The following NCAPG2 variants were observed in gnomAD, a reference collection of about 807,000 sequenced individuals.
NCAPG2 encodes condensin-2 complex subunit G2.
NCAPG2 carries 53 observed loss-of-function variants against 141.1 expected under a neutral mutation model. That is an observed-to-expected ratio of 0.38 (90% CI 0.30 to 0.47). The LOEUF (loss-of-function observed/expected upper bound fraction) is 0.47, where lower values mean the gene tolerates loss of function less well. Ranked by LOEUF, NCAPG2 falls within the 20% of genes least tolerant of loss-of-function variation. The pLI, the probability that NCAPG2 is intolerant of heterozygous loss-of-function variation, is 0.99. For missense variants in NCAPG2, 1,087 were observed against 1,389.0 expected, an observed-to-expected ratio of 0.78 and a Z score of 3.46; for synonymous variants, 499 against 490.7, an observed-to-expected ratio of 1.02 and a Z score of -0.22.
chr7:158,692,770 T>C (rs1167634563), intron 4 of NCAPG2, 72 bp downstream of exon 4: 3 of 988,730 alleles, frequency 3.0e-6, no homozygotes, highest in African/African-American at 3.3e-5. Context: ...AATGAATAAA[T>C]AAAAACAGAA....
At chr7:158,650,090 G>A (rs1411669926) in intron 24 of NCAPG2, among the ~76,000 whole-genome samples, 1 of 152,118 alleles carries the variant, frequency 6.6e-6, no homozygotes, top group South Asian at 2.1e-4. Context: ...GTCTCGCCCT[G>A]TTGCCCAGGC....
intron 16 of NCAPG2, among the ~76,000 whole-genome samples, chr7:158,660,097 GAAAA>G (rs1253820297): frequency 8.4e-6 from 1 of 118,478 alleles, no homozygotes; most frequent in African/African-American, 3.1e-5. Context: ...GACAGAGCGA[GAAAA>G]AAAAAAAAAA....
chr7:158,691,565 C>T (rs779474170), intron 4 of NCAPG2, among the ~76,000 whole-genome samples: 7 of 152,182 alleles, frequency 4.6e-5, no homozygotes, highest in Non-Finnish European at 8.8e-5. Flanking sequence ...AAACTAATTA[C>T]ACTCGCACAG....
At chr7:158,680,923 G>A (rs576405457) in intron 9 of NCAPG2, 107 bp from the exon 10 acceptor site, 1 of 757,878 alleles carries the variant, frequency 1.3e-6, no homozygotes, top group South Asian at 2.3e-5. Flanking sequence ...TCCACCACAA[G>A]TAGGCTCTGG....
chr7:158,669,461 T>G (rs1403809053), intron 13 of NCAPG2, among the ~76,000 whole-genome samples: 1 of 152,102 alleles, frequency 6.6e-6, no homozygotes, highest in Non-Finnish European at 1.5e-5. Context: ...GCCAGTATTT[T>G]TATTGAAATT....
At chr7:158,700,459 A>G (rs1835710578) in intron 2 of NCAPG2, among the ~76,000 whole-genome samples, 1 of 152,236 alleles carries the variant, frequency 6.6e-6, no homozygotes, top group South Asian at 2.1e-4. Context: ...TTTTGTTAAC[A>G]TTATGGTATG....
At chr7:158,674,252 G>C (rs988279242) in intron 12 of NCAPG2, among the ~76,000 whole-genome samples, 1 of 151,394 alleles carries the variant, frequency 6.6e-6, no homozygotes, top group Non-Finnish European at 1.5e-5. Context: ...GGACACTGCT[G>C]AGAGGGAGAG....
intron 2 of NCAPG2, among the ~76,000 whole-genome samples, chr7:158,699,918 C>G (rs1402458372): frequency 6.6e-6 from 1 of 151,374 alleles, no homozygotes; most frequent in Non-Finnish European, 1.5e-5. Flanking sequence ...TCCCCATAAT[C>G]TCTCTGGGTT....
intron 3 of NCAPG2, 38 bp downstream of exon 3, chr7:158,693,269 AAG>A (rs765066170): frequency 7.6e-6 from 12 of 1,569,704 alleles, no homozygotes; most frequent in Non-Finnish European, 9.5e-6. Context: ...TGACAAAAAA[AAG>A]AGAAAAACGT....
chr7:158,652,512 T>C (rs1226753776), intron 22 of NCAPG2, 32 bp from the exon 23 acceptor site: 1 of 1,483,532 alleles, frequency 6.7e-7, no homozygotes, highest in African/African-American at 1.4e-5. Flanking sequence ...ATCAGTTTTC[T>C]AATCACACAA....
At chr7:158,680,282 C>T (rs1173701368) in intron 10 of NCAPG2, among the ~76,000 whole-genome samples, 197 bp from the exon 11 acceptor site, 1 of 152,184 alleles carries the variant, frequency 6.6e-6, no homozygotes, top group Non-Finnish European at 1.5e-5. Flanking sequence ...AAAGCTTCCT[C>T]ACTTCAAAGC....
At chr7:158,675,746 T>A (rs1049060357) in intron 11 of NCAPG2, 90 bp from the exon 12 acceptor site, 6 of 1,324,226 alleles carry the variant, frequency 4.5e-6, no homozygotes, top group Middle Eastern at 2.0e-4. Flanking sequence ...CAGGGATTCG[T>A]AACTTAGAGA....
Position 158,662,343 on chromosome 7 carries a change from T to C in NCAPG2, c.1840A>G (p.Asn614Asp), listed in dbSNP as rs61740623. The part of the protein sequence containing the change: ...VTVLDKTLSV[N>D]DVACMAGLLE... Reference sequence around the variant, plus strand: ...AAACCTGCCATGCATGCAACATCGTTTACTGACAGTGTTTTGTCCAGAACC... The same window carrying C: ...AAACCTGCCATGCATGCAACATCGTCTACTGACAGTGTTTTGTCCAGAACC... The change falls in exon 16 of 28, where the codon AAC becomes GAC. Residue 614 changes from asparagine to aspartate, a missense_variant. Coordinates refer to ENST00000356309, the MANE Select transcript of NCAPG2 (RefSeq NM_017760.7). The C allele has an allele frequency of 1.6e-3, 2,476 of 1,589,014 alleles. 35 individuals are homozygous for C. In the African/African-American group the frequency reaches 0.029, roughly 19 times the overall value.
chr7:158,665,580 A>C (rs1185026153), intron 13 of NCAPG2, among the ~76,000 whole-genome samples: 1 of 152,122 alleles, frequency 6.6e-6, no homozygotes, highest in Non-Finnish European at 1.5e-5. Flanking sequence ...TTTCAATTGG[A>C]TCTTTCTTCT....
chr7:158,656,451 G>A lies in NCAPG2; in HGVS notation c.2215-18C>T, dbSNP rs560741171. 1.3e-5 allele frequency: 21 copies of A among 1,611,620 alleles called. No individual in the cohort carries two copies. The highest frequency in any genetic ancestry group is 1.2e-4 in the South Asian group (11 of 90,728). On this transcript the variant is annotated intron_variant, in intron 18 of 27. Transcript: ENST00000356309. Reference sequence around the variant, plus strand: ...GTGTTGCTCTGAAAGAAGAGAGAGAGAAACTGATAATGAAAACACACGTCC... The same window carrying A: ...GTGTTGCTCTGAAAGAAGAGAGAGAAAAACTGATAATGAAAACACACGTCC...
chr7:158,658,554 T>C (rs1832205947), intron 16 of NCAPG2, 146 bp from the exon 17 acceptor site: 4 of 655,612 alleles, frequency 6.1e-6, no homozygotes, highest in Admixed American at 3.3e-5. Flanking sequence ...AAGGAAAACT[T>C]AAACCAGCCT....
intron 25 of NCAPG2, among the ~76,000 whole-genome samples, chr7:158,645,919 C>T (rs1185459724): frequency 1.3e-5 from 2 of 152,158 alleles, no homozygotes; most frequent in South Asian, 4.1e-4. Flanking sequence ...CTCATAGCTG[C>T]TAAAGATGGT....
chr7:158,664,805 G>A (rs1345027703), intron 13 of NCAPG2, 55 bp from the exon 14 acceptor site: 2 of 1,451,048 alleles, frequency 1.4e-6, no homozygotes, highest in Admixed American at 2.3e-5. Context: ...TGTAACCCTG[G>A]AAACAGCTTA....
chr7:158,659,659 A>C (rs892922731), intron 16 of NCAPG2, among the ~76,000 whole-genome samples: 1 of 152,188 alleles, frequency 6.6e-6, no homozygotes, highest in African/African-American at 2.4e-5. Context: ...CTTGGCTGGG[A>C]GAATGAGGAC....
Sources: allele counts gnomAD v4.1 joint callset (sites outside exome capture counted in the v4.1 genomes callset), GRCh38; gene constraint gnomAD v4.1.1; transcripts MANE v1.5; gene names NCBI Gene and HGNC (gene_info 2026-07-23, HGNC 2026-07-21).